Variants in FHIP1A observed in about 807,000 individuals in gnomAD.
The protein encoded by FHIP1A is FHF complex subunit HOOK interacting protein 1A, also known as FHF complex subunit HOOK-interacting protein 1A.
Under a neutral mutation model 88.6 loss-of-function variants are expected in FHIP1A, and 61 were observed. That is an observed-to-expected ratio of 0.69 (90% CI 0.56 to 0.85). The LOEUF (loss-of-function observed/expected upper bound fraction) is 0.85, where lower values mean the gene tolerates loss of function less well. FHIP1A is among the 40% of genes least tolerant of loss of function. The pLI, the probability that FHIP1A is intolerant of heterozygous loss-of-function variation, is 0.00. For missense variants in FHIP1A, 1,154 were observed against 1,273.5 expected (o/e 0.91, Z 1.43); for synonymous variants, 478 against 496.0 (o/e 0.96, Z 0.48).
At chr4:151,651,351 T>C (rs909540108) in intron 11 of FHIP1A, among the ~76,000 whole-genome samples, 47 of 152,316 alleles carry the variant, frequency 3.1e-4, no homozygotes, top group African/African-American at 1.1e-3. Context: ...AAAATCTGCA[T>C]TTACAAATCA....
Position 151,566,335 on chromosome 4 carries a change from A to C in FHIP1A, c.76A>C (p.Met26Leu). 1 of 1,550,636 alleles carries C rather than the reference A, an allele frequency of 6.4e-7. No homozygotes were observed. The highest frequency in any genetic ancestry group is 2.4e-5 in the East Asian group (1 of 40,888). Reference sequence around the variant, plus strand: ...ACAGGGAGTTGACCCAGAAACATGCATGATTGTATTTAAAAACCACTGGGC... The same window carrying C: ...ACAGGGAGTTGACCCAGAAACATGCCTGATTGTATTTAAAAACCACTGGGC... ...SLQGVDPETC[M>L]IVFKNHWAQV... Residue 26 changes from methionine to leucine, a missense_variant, in exon 4 of 14, where the codon ATG becomes CTG. Coordinates refer to ENST00000435205, the MANE Select transcript of FHIP1A (RefSeq NM_001109977.3).
At chr4:151,592,483 C>T (rs187887234) in intron 7 of FHIP1A, among the ~76,000 whole-genome samples, 27 of 152,314 alleles carry the variant, frequency 1.8e-4, no homozygotes, top group African/African-American at 5.8e-4. Flanking sequence ...GACATGGTAT[C>T]TCATTGTGGT....
At chr4:151,426,687 C>T (rs1733387371) in intron 1 of FHIP1A, among the ~76,000 whole-genome samples, 1 of 152,120 alleles carries the variant, frequency 6.6e-6, no homozygotes, top group African/African-American at 2.4e-5. Context: ...CATCTTTCAG[C>T]TGTTGTAATG....
intron 3 of FHIP1A, among the ~76,000 whole-genome samples, chr4:151,504,685 G>A (rs910898825): frequency 3.3e-5 from 5 of 152,056 alleles, no homozygotes; most frequent in East Asian, 3.9e-4. Context: ...GCAGTGGTGC[G>A]ATCTCGGCTC....
intron 1 of FHIP1A, among the ~76,000 whole-genome samples, chr4:151,433,355 G>A (rs547823012): frequency 1.3e-5 from 2 of 151,734 alleles, no homozygotes; most frequent in South Asian, 2.1e-4. Context: ...GGAATAGTAA[G>A]GCAGTCTACT....
chr4:151,548,154 G>A (rs1732579742), intron 3 of FHIP1A, among the ~76,000 whole-genome samples: 1 of 152,120 alleles, frequency 6.6e-6, no homozygotes. Flanking sequence ...TAATAATCTA[G>A]TGGACTCTTA....
At chr4:151,655,615 G>A (rs1412946171) in intron 11 of FHIP1A, among the ~76,000 whole-genome samples, 2 of 152,142 alleles carry the variant, frequency 1.3e-5, no homozygotes, top group East Asian at 3.8e-4. Context: ...ATAAGCAGGG[G>A]CTCCTCCACC....
At chr4:151,543,278 A>C (rs1364327105) in intron 3 of FHIP1A, among the ~76,000 whole-genome samples, 2 of 152,138 alleles carry the variant, frequency 1.3e-5, no homozygotes, top group African/African-American at 2.4e-5. Flanking sequence ...CTGTAAACCT[A>C]AATTCTCCTT....
At chr4:151,582,091 A>G (rs781694437) in intron 5 of FHIP1A, among the ~76,000 whole-genome samples, 1 of 152,226 alleles carries the variant, frequency 6.6e-6, no homozygotes, top group Non-Finnish European at 1.5e-5. Context: ...CAGTGTGTAC[A>G]TAAATCAAGT....
At chr4:151,512,476 A>G (rs1192979730) in intron 3 of FHIP1A, among the ~76,000 whole-genome samples, 1 of 152,248 alleles carries the variant, frequency 6.6e-6, no homozygotes, top group Non-Finnish European at 1.5e-5. Flanking sequence ...AGTTGAGAGA[A>G]GAAGGCTTCA....
intron 3 of FHIP1A, among the ~76,000 whole-genome samples, chr4:151,497,456 G>A (rs1052964908): frequency 3.9e-5 from 6 of 152,094 alleles, no homozygotes; most frequent in Non-Finnish European, 8.8e-5. Flanking sequence ...AAAAGACAAG[G>A]AATAGGCATA....
At chr4:151,590,350 A>G (rs1358770182) in intron 7 of FHIP1A, among the ~76,000 whole-genome samples, 1 of 152,146 alleles carries the variant, frequency 6.6e-6, no homozygotes, top group East Asian at 1.9e-4. Flanking sequence ...TGTTCAGGAA[A>G]TTTTATGTTA....
chr4:151,435,627 A>C (rs377258996), intron 1 of FHIP1A, among the ~76,000 whole-genome samples: 6 of 152,086 alleles, frequency 3.9e-5, no homozygotes, highest in Non-Finnish European at 7.4e-5. Flanking sequence ...TCTACTAAAA[A>C]TACAAAAATT....
chr4:151,517,799 A>G (rs995405528), intron 3 of FHIP1A, among the ~76,000 whole-genome samples: 2 of 152,146 alleles, frequency 1.3e-5, no homozygotes, highest in African/African-American at 2.4e-5. Flanking sequence ...TAAAATTAAA[A>G]TAAATAAAAA....
intron 3 of FHIP1A, among the ~76,000 whole-genome samples, chr4:151,501,819 A>C (rs1440892165): frequency 1.3e-5 from 2 of 149,086 alleles, no homozygotes; most frequent in Non-Finnish European, 3.0e-5. Flanking sequence ...TTTTTTTTAA[A>C]TATATTCTGG....
At chr4:151,536,267 T>A (rs1732064447) in intron 3 of FHIP1A, among the ~76,000 whole-genome samples, 1 of 152,244 alleles carries the variant, frequency 6.6e-6, no homozygotes, top group Admixed American at 6.5e-5. Flanking sequence ...CTATTGACAT[T>A]GATACAGTTC....
At chr4:151,587,641 A>G (rs543148558) in intron 6 of FHIP1A, among the ~76,000 whole-genome samples, 11 of 152,074 alleles carry the variant, frequency 7.2e-5, no homozygotes, top group East Asian at 3.9e-4. Flanking sequence ...AGCATTAGGT[A>G]TATCTCCTAA....
intron 7 of FHIP1A, among the ~76,000 whole-genome samples, chr4:151,614,706 C>A (rs1735451433): frequency 6.6e-6 from 1 of 151,914 alleles, no homozygotes; most frequent in Non-Finnish European, 1.5e-5. Flanking sequence ...GGAGTCAGTC[C>A]CTGTATATGA....
At chr4:151,463,453 A>C (rs1045280716) in intron 2 of FHIP1A, among the ~76,000 whole-genome samples, 1 of 152,226 alleles carries the variant, frequency 6.6e-6, no homozygotes, top group Admixed American at 6.5e-5. Context: ...CGTCACAGAC[A>C]ATTTTGGCAT....
Sources: gnomAD v4.1 joint callset for allele counts (sites outside exome capture counted in the v4.1 genomes callset) on GRCh38, gnomAD v4.1.1 for gene constraint, MANE v1.5 for transcripts, NCBI Gene and HGNC (gene_info 2026-07-23, HGNC 2026-07-21) for gene names.